SCIN: variants seen among roughly 807,000 people sequenced by gnomAD.
SCIN encodes the protein adseverin.
SCIN carries 91 observed loss-of-function variants against 91.8 expected under a neutral mutation model. That is an observed-to-expected ratio of 0.99 (90% CI 0.84 to 1.18). The LOEUF (loss-of-function observed/expected upper bound fraction) is 1.18. SCIN is among the 50% of genes most tolerant of loss of function. SCIN has a pLI of 0.00. For synonymous variants in SCIN, 367 were observed against 312.6 expected (o/e 1.17, Z -1.84); for missense variants, 1,087 against 863.9 (o/e 1.26, Z -3.24).
At chr7:12,650,608 G>A (rs562980466) in intron 14 of SCIN, among the ~76,000 whole-genome samples, 1 of 152,172 alleles carries the variant, frequency 6.6e-6, no homozygotes, top group African/African-American at 2.4e-5. Flanking sequence ...GTAAGTGACC[G>A]AAATTGCTCT....
At chr7:12,585,773 C>A (rs1301476021) in intron 3 of SCIN, among the ~76,000 whole-genome samples, 7 of 152,198 alleles carry the variant, frequency 4.6e-5, no homozygotes, top group African/African-American at 1.7e-4. Context: ...GCTGTTGATA[C>A]TGTCTTAGTA....
In SCIN at chr7:12,656,617, A is replaced by G. The variant is rs2115310492; in HGVS notation, c.*3902A>G. Reference sequence around the variant, plus strand: ...AATGCACTTCACAAAAACTGTTAGAAAAGTAGCCATTAAACCTGTAAAAAG... The same window carrying G: ...AATGCACTTCACAAAAACTGTTAGAGAAGTAGCCATTAAACCTGTAAAAAG... On this transcript the variant is annotated 3_prime_UTR_variant, in exon 16 of 16. Transcript: ENST00000297029. The G allele has an allele frequency of 6.6e-6, 1 of 152,278 alleles. No homozygotes were observed. The highest frequency in any genetic ancestry group is 6.5e-5 in the Admixed American group (1 of 15,296). 9.4% of individuals were successfully genotyped at this position (152,278 alleles called of 1,614,324 possible). A position where few individuals can be genotyped will look rare whatever the true frequency, so the allele number is the denominator to read the frequency against.
At chr7:12,622,665 T>C (rs1246144001) in intron 4 of SCIN, 136 bp from the exon 5 acceptor site, 16 of 629,462 alleles carry the variant, frequency 2.5e-5, no homozygotes, top group Non-Finnish European at 4.2e-5. Context: ...TTGTATGCAT[T>C]GATGAGAAGT....
At chr7:12,583,078 T>C (rs1782521523) in intron 3 of SCIN, among the ~76,000 whole-genome samples, 1 of 152,100 alleles carries the variant, frequency 6.6e-6, no homozygotes. Context: ...GATAATGTAA[T>C]TAATTGCTGC....
At chr7:12,588,665 CTT>C (rs1258303693) in intron 3 of SCIN, among the ~76,000 whole-genome samples, 1 of 151,846 alleles carries the variant, frequency 6.6e-6, no homozygotes, top group Non-Finnish European at 1.5e-5. Context: ...GAGGGTGTAA[CTT>C]AGGTTTATCC....
At position 12,652,767 on chromosome 7, in the gene SCIN, T is replaced by A; in HGVS notation, c.*52T>A. ...CATTACAAGGCAGTTATCTCATTGC[T>A]GTTTTGGGAGAGGAACGGGAAAAGC... On this transcript the variant is annotated 3_prime_UTR_variant, in exon 16 of 16. Transcript: ENST00000297029. 1 of 1,568,060 alleles carries A rather than the reference T, an allele frequency of 6.4e-7. No homozygotes were observed. The highest frequency in any genetic ancestry group is 2.4e-5 in the East Asian group (1 of 42,414).
chr7:12,593,669 T>C (rs1221346391), intron 3 of SCIN, among the ~76,000 whole-genome samples: 2 of 152,122 alleles, frequency 1.3e-5, no homozygotes, highest in Non-Finnish European at 2.9e-5. Context: ...CTTTAAGTTT[T>C]TCAAAATTTA....
rs1491034728 is a variant in SCIN, at chr7:12,657,210, G to GTTT, written c.*4495_*4496insTTT. The GTTT allele has an allele frequency of 8.3e-5, 9 of 107,818 alleles. No homozygotes were observed. The highest frequency in any genetic ancestry group is 1.5e-4 in the Non-Finnish European group (8 of 53,004). 6.7% of individuals were successfully genotyped at this position (107,818 alleles called of 1,614,324 possible). On this transcript the variant is annotated 3_prime_UTR_variant, in exon 16 of 16. Coordinates refer to ENST00000297029, the MANE Select transcript of SCIN (RefSeq NM_001112706.3). ...ATGTGTGTACTAAAGGATATAATAT[G>GTTT]ATTTTTTTTTTTTTTTTTTTTTTTT...
At chr7:12,579,567 G>T (rs1430079763) in intron 2 of SCIN, among the ~76,000 whole-genome samples, 1 of 152,140 alleles carries the variant, frequency 6.6e-6, no homozygotes, top group Admixed American at 6.6e-5. Flanking sequence ...CCCAAACAAT[G>T]AATATTATAA....
chr7:12,594,446 C>A (rs1782794495), intron 3 of SCIN, among the ~76,000 whole-genome samples: 1 of 152,070 alleles, frequency 6.6e-6, no homozygotes, highest in Non-Finnish European at 1.5e-5. Context: ...AATCTCAGAC[C>A]ATTTCTCATT....
At chr7:12,574,753 C>T (rs1471146120) in intron 1 of SCIN, among the ~76,000 whole-genome samples, 1 of 152,158 alleles carries the variant, frequency 6.6e-6, no homozygotes, top group South Asian at 2.1e-4. Context: ...ATGTAGTAAA[C>T]CTTAGTATCA....
rs1346868133 is a variant in SCIN, at chr7:12,570,730, G to A, written c.-57G>A. ...GAATAAGGTTCCTCCTGCTGCTCTCGGTTTAGTCCAAGATCAGCGATATCA... is the reference window on the plus strand; with the variant it reads ...GAATAAGGTTCCTCCTGCTGCTCTCAGTTTAGTCCAAGATCAGCGATATCA... On this transcript the variant is annotated 5_prime_UTR_variant, in exon 1 of 16. Transcript: ENST00000297029. 3.9e-6 allele frequency: 6 copies of A among 1,530,400 alleles called. No homozygotes were observed. Among genetic ancestry groups the A allele is most frequent in the Non-Finnish European group, 4.4e-6 (5 of 1,135,472 alleles). 94.8% of individuals were successfully genotyped at this position (1,530,400 alleles called of 1,614,324 possible). A position where few individuals can be genotyped will look rare whatever the true frequency, so the allele number is the denominator to read the frequency against.
At chr7:12,632,842 T>C (rs1288152298) in intron 9 of SCIN, among the ~76,000 whole-genome samples, 2 of 152,204 alleles carry the variant, frequency 1.3e-5, no homozygotes, top group African/African-American at 4.8e-5. Context: ...GGGATGGTCA[T>C]TTAGCTTTCT....
chr7:12,631,884 C>T (rs1783650494), intron 9 of SCIN, among the ~76,000 whole-genome samples: 1 of 152,050 alleles, frequency 6.6e-6, no homozygotes, highest in African/African-American at 2.4e-5. Context: ...CCAAGAAATG[C>T]AGGAAAATAG....
intron 9 of SCIN, among the ~76,000 whole-genome samples, chr7:12,635,611 CAAAAAAAAAAAAA>C (rs59324421): frequency 0.014 from 80 of 5,852 alleles, 1 homozygote; most frequent in South Asian, 0.031. Context: ...GACTCCGTCT[CAAAAAAAAAAAAA>C]AAAAAAAAAA....
At chr7:12,626,840 A>T in intron 8 of SCIN, 41 bp downstream of exon 8, 49 of 1,436,062 alleles carry the variant, frequency 3.4e-5, no homozygotes, top group Non-Finnish European at 4.1e-5. Context: ...CATTAATGCC[A>T]GTGTATGTAG....
At chr7:12,635,853 G>A (rs1419461266) in intron 9 of SCIN, among the ~76,000 whole-genome samples, 192 bp from the exon 10 acceptor site, 2 of 151,988 alleles carry the variant, frequency 1.3e-5, no homozygotes, top group African/African-American at 2.4e-5. Flanking sequence ...ACCATATACA[G>A]TTCTAGACAA....
intron 3 of SCIN, 22 bp downstream of exon 3, chr7:12,581,243 C>T (rs376263071): frequency 9.1e-6 from 14 of 1,545,164 alleles, no homozygotes; most frequent in Middle Eastern, 1.7e-4. Context: ...ATATACACAT[C>T]GATGTCTAAA....
chr7:12,609,531 A>G (rs765304430), intron 4 of SCIN, among the ~76,000 whole-genome samples: 3 of 152,126 alleles, frequency 2.0e-5, no homozygotes, highest in Non-Finnish European at 4.4e-5. Flanking sequence ...AACAAACAAA[A>G]AAAACCCCAA....
Sources: gnomAD v4.1 joint callset for allele counts (sites outside exome capture counted in the v4.1 genomes callset) on GRCh38, gnomAD v4.1.1 for gene constraint, MANE v1.5 for transcripts, NCBI Gene and HGNC (gene_info 2026-07-23, HGNC 2026-07-21) for gene names.